The following LIPA variants were observed in gnomAD, a reference collection of about 807,000 sequenced individuals.
LIPA encodes lipase A, lysosomal acid type, also known as lysosomal acid lipase/cholesteryl ester hydrolase.
LIPA carries 26 observed loss-of-function variants against 40.6 expected under a neutral mutation model. That is an observed-to-expected ratio of 0.64 (90% CI 0.47 to 0.89). LIPA has a LOEUF of 0.89. LIPA is among the 40% of genes least tolerant of loss of function. The pLI is 0.00. For missense variants in LIPA, 455 were observed against 479.6 expected, an observed-to-expected ratio of 0.95 and a Z score of 0.48; for synonymous variants, 188 against 168.4, an observed-to-expected ratio of 1.12 and a Z score of -0.90.
rs753354892 is a variant in LIPA at position 89,332,615 on chromosome 10, C to T, written c.-2+9996G>A. On this transcript the variant is annotated intron_variant, in intron 1 of 5. Transcript: ENST00000282673. ...CCAGCTTTTCAGAACTGCAGGGAAACAGCCATCATGAGGTAAATAGTCCCT... is the reference window on the plus strand; with the variant it reads ...CCAGCTTTTCAGAACTGCAGGGAAATAGCCATCATGAGGTAAATAGTCCCT... The T allele has an allele frequency of 3.1e-6, 5 of 1,614,002 alleles. No individual in the cohort carries two copies. The South Asian group carries it at 3.3e-5, about 11-fold the overall frequency.
At chr10:89,235,702 C>T (rs2133448243) in intron 3 of LIPA, among the ~76,000 whole-genome samples, 1 of 152,294 alleles carries the variant, frequency 6.6e-6, no homozygotes, top group Non-Finnish European at 1.5e-5. Context: ...CAGCTGAGGG[C>T]CAGGGCAGAA....
At chr10:89,267,554 G>A (rs1843242838) in intron 1 of LIPA, among the ~76,000 whole-genome samples, 1 of 116,836 alleles carries the variant, frequency 8.6e-6, no homozygotes, top group Non-Finnish European at 1.6e-5. Flanking sequence ...ACAGGAAGGG[G>A]AATATCACAC....
rs751900358 is a variant in LIPA at position 89,386,972 on chromosome 10, T to A, written c.61+25819A>T. On this transcript the variant is annotated intron_variant, in intron 2 of 8. Transcript: ENST00000371837. ...GTGTGTGTGTGTGTGTGTGTGTGTG[T>A]GAGAGAGAGAGAGAGTGTGTGTGTG... 2.9e-3 allele frequency among the ~76,000 whole-genome samples: 292 copies of A among 99,336 alleles called. 1 individual carries two copies. Among genetic ancestry groups the A allele is most frequent in the South Asian group, 8.0e-3 (32 of 3,992 alleles). 65.2% of individuals were successfully genotyped at this position (99,336 alleles called of 152,430 possible).
intron 2 of LIPA, among the ~76,000 whole-genome samples, chr10:89,391,094 C>G (rs1284543719): frequency 6.6e-6 from 1 of 152,224 alleles, no homozygotes; most frequent in Non-Finnish European, 1.5e-5. Flanking sequence ...CTGTTTAGAT[C>G]TGGCAGTGTG....
intron 2 of LIPA, among the ~76,000 whole-genome samples, chr10:89,378,425 C>G: frequency 6.6e-6 from 1 of 152,076 alleles, no homozygotes; most frequent in East Asian, 1.9e-4. Context: ...ACATGATAAC[C>G]CTGGGCCTAC....
rs773893456 is a variant in LIPA, at chr10:89,215,925, C to T, written c.966+13G>A. 3 of 1,581,586 alleles carry T rather than the reference C, an allele frequency of 1.9e-6. No homozygotes were observed. Among genetic ancestry groups the T allele is most frequent in the Admixed American group, 3.3e-5 (2 of 59,996 alleles). On this transcript the variant is annotated intron_variant, in intron 9 of 9. Transcript: ENST00000336233. ...TTCAGGGCCCCCTTTAATGAAAAGACTAAAAACTTTACCTGGTTGTAATGA... is the reference window on the plus strand; with the variant it reads ...TTCAGGGCCCCCTTTAATGAAAAGATTAAAAACTTTACCTGGTTGTAATGA...
Position 89,214,517 on chromosome 10 carries a change from T to C in LIPA, c.*311A>G, listed in dbSNP as rs1354538346. On this transcript the variant is annotated 3_prime_UTR_variant, in exon 10 of 10. Transcript: ENST00000336233. Reference sequence around the variant, plus strand: ...TGTCCTATGAAGGGCAAAAAGTCAATATATTTTAAATTTTAAAAACAGAAT... The same window carrying C: ...TGTCCTATGAAGGGCAAAAAGTCAACATATTTTAAATTTTAAAAACAGAAT... 7.7e-6 allele frequency: 2 copies of C among 259,874 alleles called. No individual in the cohort carries two copies. The highest frequency in any genetic ancestry group is 1.9e-4 in the East Asian group (2 of 10,554). 16.1% of individuals were successfully genotyped at this position (259,874 alleles called of 1,614,324 possible).
intron 1 of LIPA, among the ~76,000 whole-genome samples, chr10:89,277,468 A>T (rs955558536): frequency 2.0e-5 from 3 of 152,260 alleles, no homozygotes; most frequent in African/African-American, 7.2e-5. Context: ...TTTTACTTGC[A>T]TTATACGCAG....
intron 2 of LIPA, among the ~76,000 whole-genome samples, chr10:89,364,408 T>C (rs1844043964): frequency 6.6e-6 from 1 of 152,102 alleles, no homozygotes; most frequent in African/African-American, 2.4e-5. Context: ...GCAAAGATGT[T>C]GACCCACAAG....
intron 2 of LIPA, among the ~76,000 whole-genome samples, chr10:89,352,850 T>C (rs1302664400): frequency 2.0e-5 from 3 of 151,380 alleles, no homozygotes; most frequent in Admixed American, 6.6e-5. Context: ...AGGAAATTCC[T>C]TGTGGGCCTC....
At chr10:89,362,618 G>T (rs753378917) in intron 2 of LIPA, 6 of 368,430 alleles carry the variant, frequency 1.6e-5, no homozygotes, top group Non-Finnish European at 2.5e-5. Context: ...TTGCCTGGGC[G>T]TATCACCACA....
intron 3 of LIPA, among the ~76,000 whole-genome samples, chr10:89,235,235 G>A (rs901006361): frequency 1.3e-5 from 2 of 152,244 alleles, no homozygotes; most frequent in African/African-American, 4.8e-5. Context: ...ATGCACTCAG[G>A]CACCCTGAAG....
chr10:89,379,949 G>A (rs1420736131), intron 2 of LIPA, among the ~76,000 whole-genome samples: 3 of 151,982 alleles, frequency 2.0e-5, no homozygotes, highest in Non-Finnish European at 4.4e-5. Context: ...GCAGGAGAAT[G>A]GCGTGAACCT....
intron 2 of LIPA, among the ~76,000 whole-genome samples, chr10:89,372,822 T>C (rs1354652310): frequency 6.6e-6 from 1 of 152,228 alleles, no homozygotes; most frequent in East Asian, 1.9e-4. Flanking sequence ...ATTTCCTTTA[T>C]AGACATGGAC....
chr10:89,263,086 A>T (rs1843219127), intron 1 of LIPA, among the ~76,000 whole-genome samples: 2 of 152,192 alleles, frequency 1.3e-5, no homozygotes, highest in African/African-American at 4.8e-5. Flanking sequence ...CACATACAAA[A>T]TAGATATAGG....
At chr10:89,254,093 G>A (rs1263514366), upstream of LIPA, among the ~76,000 whole-genome samples, 3 of 152,194 alleles carry the variant, frequency 2.0e-5, no homozygotes, top group Admixed American at 2.0e-4. Flanking sequence ...TACCATTCTG[G>A]GGTCTGGAGG....
chr10:89,357,466 A>T (rs1342206594), intron 2 of LIPA, among the ~76,000 whole-genome samples: 1 of 152,052 alleles, frequency 6.6e-6, no homozygotes, highest in African/African-American at 2.4e-5. Context: ...TTCCCTGCAG[A>T]CTCCTCCTAA....
At chr10:89,325,885 A>C (rs1401664609) in intron 1 of LIPA, among the ~76,000 whole-genome samples, 1 of 152,190 alleles carries the variant, frequency 6.6e-6, no homozygotes, top group Non-Finnish European at 1.5e-5. Flanking sequence ...ACCTACAATG[A>C]GATATGATCT....
chr10:89,311,580 T>A (rs1463205650), intron 1 of LIPA, among the ~76,000 whole-genome samples: 1 of 150,998 alleles, frequency 6.6e-6, no homozygotes, highest in Admixed American at 6.6e-5. Context: ...TTGCATTTAG[T>A]GAAACACCTA....
Sources: gnomAD v4.1 joint callset for allele counts (sites outside exome capture counted in the v4.1 genomes callset) on GRCh38, gnomAD v4.1.1 for gene constraint, MANE v1.5 for transcripts, NCBI Gene and HGNC (gene_info 2026-07-23, HGNC 2026-07-21) for gene names.